Variants in WDFY3 observed in about 807,000 individuals in gnomAD.
The protein encoded by WDFY3 is WD repeat and FYVE domain-containing protein 3.
A neutral mutation model predicts 409.6 loss-of-function variants in WDFY3; 66 were observed. The ratio of observed to expected loss-of-function variants is 0.16; its 90% confidence interval spans 0.13 to 0.20. WDFY3 has a LOEUF of 0.20. Ranked by LOEUF, WDFY3 falls within the 10% of genes least tolerant of loss-of-function variation. The pLI is 1.00. For synonymous variants in WDFY3, 1,521 were observed against 1,537.1 expected (o/e 0.99, Z 0.25); for missense variants, 3,031 against 4,298.1 (o/e 0.71, Z 8.24).
rs769420642 is a variant in WDFY3 at position 84,783,056 on chromosome 4, C to T, written c.4081G>A (p.Glu1361Lys). The T allele has an allele frequency of 6.2e-7, 1 of 1,613,956 alleles. No homozygotes were observed. The highest frequency in any genetic ancestry group is 1.1e-5 in the South Asian group (1 of 91,062). Reference sequence around the variant, plus strand: ...ATCAACTTCACAGGAGTGGCATTCTCATGTGAGGAAATGCCTAACTGAAAA... The same window carrying T: ...ATCAACTTCACAGGAGTGGCATTCTTATGTGAGGAAATGCCTAACTGAAAA... ...IAKQLGISSH[E>K]NATPVKLIHN... is the part of the protein sequence containing the mutation. The change falls in exon 25 of 68, where the codon GAG becomes AAG. Residue 1361 changes from glutamate to lysine, a missense_variant. By Grantham distance (56) the Glu-to-Lys change is moderately conservative. Transcript: ENST00000295888.
chr4:84,698,275 A>T (rs977241545), intron 56 of WDFY3, among the ~76,000 whole-genome samples: 21 of 148,122 alleles, frequency 1.4e-4, no homozygotes, highest in African/African-American at 5.0e-4. Context: ...AATTCTATAT[A>T]ATATATATAT....
At chr4:84,713,918 A>T (rs1733373280) in intron 50 of WDFY3, among the ~76,000 whole-genome samples, 3 of 152,140 alleles carry the variant, frequency 2.0e-5, no homozygotes, top group Admixed American at 6.5e-5. Context: ...GGAGATCGAG[A>T]CCATCCTGGC....
chr4:84,796,884 T>A, intron 18 of WDFY3, 132 bp from the exon 19 acceptor site: 1 of 694,830 alleles, frequency 1.4e-6, no homozygotes. Context: ...AAGATCATTA[T>A]CCAGTTTTAA....
chr4:84,779,882 A>C (rs1746209201), intron 26 of WDFY3, among the ~76,000 whole-genome samples: 1 of 152,222 alleles, frequency 6.6e-6, no homozygotes, highest in Admixed American at 6.5e-5. Context: ...TGCCTAACTC[A>C]AGTGTTTAGT....
At chr4:84,855,430 T>C (rs1205512049) in intron 4 of WDFY3, among the ~76,000 whole-genome samples, 2 of 152,192 alleles carry the variant, frequency 1.3e-5, no homozygotes, top group South Asian at 2.1e-4. Flanking sequence ...TCCACCTAAA[T>C]AGATTTCAGA....
intron 30 of WDFY3, among the ~76,000 whole-genome samples, chr4:84,768,786 GT>G (rs1257466810): frequency 6.6e-6 from 1 of 152,136 alleles, no homozygotes; most frequent in Admixed American, 6.5e-5. Context: ...TAACTTCAAA[GT>G]TTTATTATTT....
At chr4:84,735,375 G>A (rs111259108) in intron 42 of WDFY3, among the ~76,000 whole-genome samples, 18 of 152,242 alleles carry the variant, frequency 1.2e-4, no homozygotes, top group East Asian at 3.9e-4. Flanking sequence ...ACACCCTCAG[G>A]GATGGCCTTA....
intron 2 of WDFY3, among the ~76,000 whole-genome samples, chr4:84,922,017 T>C (rs555628664): frequency 2.3e-4 from 35 of 152,022 alleles, no homozygotes; most frequent in African/African-American, 7.9e-4. Flanking sequence ...TATACATTTA[T>C]TGTATATAAA....
At chr4:84,758,396 C>T (rs1451003758) in intron 32 of WDFY3, among the ~76,000 whole-genome samples, 1 of 152,112 alleles carries the variant, frequency 6.6e-6, no homozygotes, top group East Asian at 1.9e-4. Flanking sequence ...CAGGCACATG[C>T]AACCATGCCT....
chr4:84,735,732 T>G (rs943043840), intron 42 of WDFY3, among the ~76,000 whole-genome samples: 2 of 152,168 alleles, frequency 1.3e-5, no homozygotes, highest in Non-Finnish European at 2.9e-5. Flanking sequence ...CCACTTAGAT[T>G]CTGGGATGGT....
intron 15 of WDFY3, among the ~76,000 whole-genome samples, chr4:84,808,044 GAC>G (rs1460262754): frequency 2.0e-5 from 3 of 151,860 alleles, no homozygotes; most frequent in Non-Finnish European, 4.4e-5. Context: ...TTTAATAAAA[GAC>G]ATGTTTTTTC....
chr4:84,685,409 CA>C (rs1487106563), intron 62 of WDFY3, among the ~76,000 whole-genome samples: 1 of 152,156 alleles, frequency 6.6e-6, no homozygotes, highest in African/African-American at 2.4e-5. Flanking sequence ...AGAAATAAAC[CA>C]AAACCCAAAC....
intron 29 of WDFY3, among the ~76,000 whole-genome samples, chr4:84,774,224 G>C (rs1285404798): frequency 6.6e-6 from 1 of 152,174 alleles, no homozygotes; most frequent in East Asian, 1.9e-4. Flanking sequence ...CAATTGTGTA[G>C]TTTGTTTTTC....
intron 54 of WDFY3, 104 bp downstream of exon 54, chr4:84,705,290 A>G: frequency 2.4e-6 from 2 of 819,740 alleles, no homozygotes; most frequent in Non-Finnish European, 4.0e-6. Context: ...TATAGATATG[A>G]TATATAAGCA....
chr4:84,912,568 G>A (rs1217411940), intron 2 of WDFY3, among the ~76,000 whole-genome samples: 1 of 152,082 alleles, frequency 6.6e-6, no homozygotes, highest in Non-Finnish European at 1.5e-5. Context: ...TTTAATGCCA[G>A]CAAAGGATGG....
rs183476586 is a variant in WDFY3, at chr4:84,890,162, C to T, written c.-32+6749G>A. 4.3e-4 allele frequency among the ~76,000 whole-genome samples: 66 copies of T among 152,154 alleles called. 1 individual carries two copies. The Middle Eastern group carries it at 0.014, about 31-fold the overall frequency. Reference sequence around the variant, plus strand: ...TAACTCAGGCTGGAGTACAGTGGCACGACCATGGCTCACTTCATCCTCAAT... The same window carrying T: ...TAACTCAGGCTGGAGTACAGTGGCATGACCATGGCTCACTTCATCCTCAAT... On this transcript the variant is annotated intron_variant, in intron 3 of 67. Coordinates refer to ENST00000295888, the MANE Select transcript of WDFY3 (RefSeq NM_014991.6).
chr4:84,690,445 C>A (rs780593696), intron 61 of WDFY3, 61 bp downstream of exon 61: 1 of 1,611,938 alleles, frequency 6.2e-7, no homozygotes, highest in African/African-American at 1.3e-5. Flanking sequence ...TTACTTCCTA[C>A]AGGGTGTAGG....
rs1190980355 is a variant in WDFY3, at chr4:84,787,469, A to G, written c.3901+13T>C. 4.4e-6 allele frequency: 7 copies of G among 1,606,954 alleles called. No homozygotes were observed. Among genetic ancestry groups the G allele is most frequent in the Admixed American group, 1.7e-5 (1 of 59,778 alleles). ...TTTCATACAACTTCAAGAACTAAAAATAAGTTACTCACATGGCATACATAC... is the reference window on the plus strand; with the variant it reads ...TTTCATACAACTTCAAGAACTAAAAGTAAGTTACTCACATGGCATACATAC... On this transcript the variant is annotated intron_variant, in intron 23 of 67. Transcript: ENST00000295888.
In WDFY3 at chr4:84,705,889, C is replaced by G. The variant is rs1013072146; in HGVS notation, c.8218-378G>C. Among the ~76,000 whole-genome samples, 4 of 152,296 alleles carry G rather than the reference C, an allele frequency of 2.6e-5. No homozygotes were observed. The East Asian group carries it at 7.7e-4, about 29-fold the overall frequency. On this transcript the variant is annotated intron_variant, in intron 53 of 67. Transcript: ENST00000295888. ...CCAATTCATCGTTAACTTCATCACT[C>G]ACATAACTGGAGGATCAGATCTCCC...
Sources: gnomAD v4.1 joint callset for allele counts (sites outside exome capture counted in the v4.1 genomes callset) on GRCh38, gnomAD v4.1.1 for gene constraint, MANE v1.5 for transcripts, NCBI Gene and HGNC (gene_info 2026-07-23, HGNC 2026-07-21) for gene names.